LTBP1: variants seen among roughly 807,000 people sequenced by gnomAD.
The protein encoded by LTBP1 is latent transforming growth factor beta binding protein 1.
In LTBP1, 129 loss-of-function variants were observed where a neutral mutation model predicts 207.6. That is an observed-to-expected ratio of 0.62 (90% CI 0.54 to 0.72). The LOEUF is 0.72. Among genes scored for constraint, LTBP1 ranks in the 30% least tolerant of loss-of-function variants. The pLI is 0.00. For missense variants in LTBP1, 2,281 were observed against 2,217.2 expected (o/e 1.03, Z -0.58); for synonymous variants, 963 against 833.7 (o/e 1.16, Z -2.67).
chr2:33,386,037 C>G (rs972199631), intron 31 of LTBP1, among the ~76,000 whole-genome samples: 4 of 152,162 alleles, frequency 2.6e-5, no homozygotes, highest in Admixed American at 2.6e-4. Context: ...GTACCTCCCC[C>G]AACCCATTAC....
chr2:33,386,929 C>T (rs2095270891), intron 31 of LTBP1, among the ~76,000 whole-genome samples: 1 of 146,796 alleles, frequency 6.8e-6, no homozygotes, highest in Non-Finnish European at 1.5e-5. Context: ...CTCCTAGGTT[C>T]AAGCGATTCT....
rs201472423 is a variant in LTBP1, at chr2:33,168,454, TAAGC to T, written c.1202-18399_1202-18396del. ...AAAAGAAAATGGGTGTTGTGTAAAATAAGCAATCTGGATTTTTAATCTATCAGAT... is the reference window on the plus strand; with the variant it reads ...AAAAGAAAATGGGTGTTGTGTAAAATAATCTGGATTTTTAATCTATCAGAT... On this transcript the variant is annotated intron_variant, in intron 5 of 33. Transcript: ENST00000404816. Among the ~76,000 whole-genome samples the T allele has an allele frequency of 9.2e-3, 1,363 of 148,334 alleles. 22 individuals are homozygous for T. Among genetic ancestry groups the T allele is most frequent in the African/African-American group, 0.032 (1,299 of 40,494 alleles).
intron 9 of LTBP1, among the ~76,000 whole-genome samples, chr2:33,230,976 A>G (rs374118233): frequency 1.3e-5 from 2 of 152,206 alleles, no homozygotes; most frequent in African/African-American, 4.8e-5. Context: ...CAGTGTATGT[A>G]TATTCGTTTT....
intron 3 of LTBP1, among the ~76,000 whole-genome samples, chr2:33,026,692 C>A (rs1363806111): frequency 6.6e-6 from 1 of 152,186 alleles, no homozygotes; most frequent in African/African-American, 2.4e-5. Context: ...GTGCTCAGTG[C>A]TCAATTCATG....
intron 3 of LTBP1, among the ~76,000 whole-genome samples, chr2:33,076,495 G>A (rs2078085982): frequency 6.6e-6 from 1 of 151,728 alleles, no homozygotes. Context: ...CCTAATGACT[G>A]TTAGCGAGGG....
At chr2:33,379,755 ATACATTTT>A (rs1453452800) in intron 31 of LTBP1, among the ~76,000 whole-genome samples, 1 of 152,250 alleles carries the variant, frequency 6.6e-6, no homozygotes, top group Non-Finnish European at 1.5e-5. Context: ...ATTGAATGAA[ATACATTTT>A]CATGACTAGT....
intron 20 of LTBP1, among the ~76,000 whole-genome samples, chr2:33,294,162 C>T (rs897823217): frequency 3.3e-5 from 5 of 151,062 alleles, no homozygotes; most frequent in African/African-American, 7.3e-5. Context: ...CACGCCACCA[C>T]GCCCGACTAA....
In LTBP1 at chr2:33,300,320, T is replaced by A. The variant is rs917416190; in HGVS notation, c.3236-131T>A. 1.7e-5 allele frequency: 13 copies of A among 781,586 alleles called. No individual in the cohort carries two copies. The Admixed American group carries it at 2.8e-4, about 17-fold the overall frequency. 48.4% of individuals were successfully genotyped at this position (781,586 alleles called of 1,614,324 possible). Reference sequence around the variant, plus strand: ...ACAGCATGGGTGGAGTGATAAATACTAAAGTGTGTAGTGCCAGACATAAGA... The same window carrying A: ...ACAGCATGGGTGGAGTGATAAATACAAAAGTGTGTAGTGCCAGACATAAGA... On this transcript the variant is annotated intron_variant, in intron 20 of 33. Coordinates refer to ENST00000404816, the MANE Select transcript of LTBP1 (RefSeq NM_206943.4).
chr2:33,305,533 C>T lies in LTBP1; in HGVS notation c.3481+3889C>T, dbSNP rs116618824. 5.1e-3 allele frequency among the ~76,000 whole-genome samples: 780 copies of T among 152,168 alleles called. 9 individuals are homozygous for T. Among genetic ancestry groups the T allele is most frequent in the African/African-American group, 0.018 (747 of 41,498 alleles). On this transcript the variant is annotated intron_variant, in intron 22 of 33. Coordinates refer to ENST00000404816, the MANE Select transcript of LTBP1 (RefSeq NM_206943.4). ...CAAGGGAATAGCAGATGCGGATGCCCGAGGAACCAGCTATGTGGAGACCTG... is the reference window on the plus strand; with the variant it reads ...CAAGGGAATAGCAGATGCGGATGCCTGAGGAACCAGCTATGTGGAGACCTG...
chr2:33,193,827 C>G (rs746522742), intron 7 of LTBP1, among the ~76,000 whole-genome samples: 23 of 152,160 alleles, frequency 1.5e-4, no homozygotes, highest in Non-Finnish European at 2.6e-4. Context: ...TCTGACTGCT[C>G]TACCAACTGG....
Position 33,013,409 on chromosome 2 carries a change from G to A in LTBP1, c.566-7500G>A, listed in dbSNP as rs527324825. Among the ~76,000 whole-genome samples, 3 of 149,144 alleles carry A rather than the reference G, an allele frequency of 2.0e-5. No homozygotes were observed. In the East Asian group the frequency reaches 5.9e-4, roughly 29 times the overall value. On this transcript the variant is annotated intron_variant, in intron 2 of 33. Coordinates refer to ENST00000404816, the MANE Select transcript of LTBP1 (RefSeq NM_206943.4). ...GTTCTTTTTTTCATTTTTTGATTTT[G>A]GTCTTCCTTTGTTAAAGGCAACTTT... is the stretch of plus-strand genomic sequence containing the variant.
chr2:32,984,933 A>AT (rs1683314869), intron 2 of LTBP1, among the ~76,000 whole-genome samples: 3 of 140,018 alleles, frequency 2.1e-5, no homozygotes, highest in Admixed American at 7.3e-5. Flanking sequence ...CTCTGTTTCA[A>AT]AAAAACAAAA....
At chr2:33,239,574 G>T (rs1053355906) in intron 9 of LTBP1, among the ~76,000 whole-genome samples, 70 of 152,090 alleles carry the variant, frequency 4.6e-4, no homozygotes, top group African/African-American at 1.6e-3. Context: ...ATCTGTTGAG[G>T]AAGGTTTGTT....
intron 22 of LTBP1, among the ~76,000 whole-genome samples, chr2:33,304,350 TA>T (rs1361110985): frequency 6.6e-6 from 1 of 152,226 alleles, no homozygotes; most frequent in African/African-American, 2.4e-5. Context: ...CATAATTAAC[TA>T]AACCGTGACT....
chr2:33,022,130 A>T (rs2149233084), intron 3 of LTBP1, among the ~76,000 whole-genome samples: 1 of 152,290 alleles, frequency 6.6e-6, no homozygotes, highest in South Asian at 2.1e-4. Context: ...ATTAGTATCC[A>T]GTCAGCCCAC....
At chr2:33,340,072 G>A (rs1173674086) in intron 24 of LTBP1, among the ~76,000 whole-genome samples, 1 of 151,838 alleles carries the variant, frequency 6.6e-6, no homozygotes, top group East Asian at 1.9e-4. Flanking sequence ...ATTAAGAAAT[G>A]TGCTTGCACC....
At chr2:33,297,919 G>C (rs970118730) in intron 20 of LTBP1, among the ~76,000 whole-genome samples, 4 of 152,088 alleles carry the variant, frequency 2.6e-5, no homozygotes, top group Non-Finnish European at 5.9e-5. Context: ...ATCTTAAAGA[G>C]TATAGGCCAG....
chr2:33,110,651 C>G lies in LTBP1; in HGVS notation c.933C>G (p.Pro311=). The change falls in exon 4 of 34, where the codon CCC becomes CCG. Residue 311 remains proline, a synonymous_variant. Coordinates refer to ENST00000404816, the MANE Select transcript of LTBP1 (RefSeq NM_206943.4). The stretch of plus-strand genomic sequence containing the variant: ...AGACCCAGGAATACGTGCTCAAGCC[C>G]AAGTACTTTCCAGCCCAGAAGGGGA... The part of the protein sequence containing the change: ...HGQTQEYVLK[P]KYFPAQKGIS... 2 of 1,614,158 alleles carry G rather than the reference C, an allele frequency of 1.2e-6. No individual in the cohort carries two copies.
chr2:33,040,596 G>A (rs528041044), intron 3 of LTBP1, among the ~76,000 whole-genome samples: 1 of 152,182 alleles, frequency 6.6e-6, no homozygotes, highest in South Asian at 2.1e-4. Context: ...TCCAATCCAC[G>A]CCTCACTGTC....
Sources: gnomAD v4.1 joint callset for allele counts (sites outside exome capture counted in the v4.1 genomes callset) on GRCh38, gnomAD v4.1.1 for gene constraint, MANE v1.5 for transcripts, NCBI Gene and HGNC (gene_info 2026-07-23, HGNC 2026-07-21) for gene names.